PDLIM5: variants seen among roughly 807,000 people sequenced by gnomAD.
PDLIM5 encodes PDZ and LIM domain protein 5.
Under a neutral mutation model 64.2 loss-of-function variants are expected in PDLIM5, and 34 were observed. The observed-to-expected ratio is 0.53, with a 90% CI of 0.40 to 0.71. The LOEUF (loss-of-function observed/expected upper bound fraction) is 0.71, where lower values mean the gene tolerates loss of function less well. PDLIM5 is among the 30% of genes least tolerant of loss of function. The pLI, the probability that PDLIM5 is intolerant of heterozygous loss-of-function variation, is 0.00. For synonymous variants in PDLIM5, 253 were observed against 269.1 expected (o/e 0.94, Z 0.59); for missense variants, 683 against 733.6 (o/e 0.93, Z 0.80).
intron 5 of PDLIM5, chr4:94,584,721 T>C (rs540637295): frequency 4.8e-6 from 2 of 417,888 alleles, no homozygotes; most frequent in East Asian, 4.1e-5. Flanking sequence ...ACTTGGTTCC[T>C]GGGCCTAGTG....
intron 2 of PDLIM5, among the ~76,000 whole-genome samples, chr4:94,471,423 A>G (rs1724860505): frequency 2.0e-5 from 3 of 152,136 alleles, no homozygotes; most frequent in African/African-American, 7.2e-5. Flanking sequence ...CCATGATTAT[A>G]TAGTGATGAA....
intron 2 of PDLIM5, among the ~76,000 whole-genome samples, chr4:94,500,560 G>C (rs1336753943): frequency 6.6e-6 from 1 of 152,028 alleles, no homozygotes; most frequent in Admixed American, 6.5e-5. Context: ...GGGCAGAAAA[G>C]GTGTTTTGAG....
intron 3 of PDLIM5, among the ~76,000 whole-genome samples, chr4:94,558,820 G>C (rs1733594946): frequency 6.6e-6 from 1 of 151,792 alleles, no homozygotes; most frequent in South Asian, 2.1e-4. Flanking sequence ...TTGTGTGTGT[G>C]TTGCAGGGAG....
intron 3 of PDLIM5, among the ~76,000 whole-genome samples, chr4:94,537,420 C>G (rs1578330581): frequency 6.6e-6 from 1 of 152,022 alleles, no homozygotes; most frequent in South Asian, 2.1e-4. Flanking sequence ...ACAAATTATT[C>G]TTAAAACAGA....
Position 94,577,764 on chromosome 4 carries a change from G to T in PDLIM5, c.710+1730G>T, listed in dbSNP as rs1735419463. 1.3e-5 allele frequency among the ~76,000 whole-genome samples: 2 copies of T among 151,870 alleles called. 1 individual carries two copies. The highest frequency in any genetic ancestry group is 1.3e-4 in the Admixed American group (2 of 15,250). On this transcript the variant is annotated intron_variant, in intron 5 of 12. Coordinates refer to ENST00000317968, the MANE Select transcript of PDLIM5 (RefSeq NM_006457.5). ...AGTAGAAAAACATCCATTGAAGGAAGTGTCTTAACTAAAATCTTTTCTACT... is the reference window on the plus strand; with the variant it reads ...AGTAGAAAAACATCCATTGAAGGAATTGTCTTAACTAAAATCTTTTCTACT...
intron 7 of PDLIM5, among the ~76,000 whole-genome samples, chr4:94,594,588 A>G (rs918450904): frequency 6.6e-6 from 1 of 152,012 alleles, no homozygotes; most frequent in African/African-American, 2.4e-5. Context: ...AGAGATAATT[A>G]TGTTATACAT....
intron 2 of PDLIM5, among the ~76,000 whole-genome samples, chr4:94,490,379 A>T (rs1422428118): frequency 2.0e-5 from 3 of 152,082 alleles, no homozygotes; most frequent in South Asian, 2.1e-4. Context: ...AAATTAAAAT[A>T]AAAATAAGCT....
rs143660655 is a variant in PDLIM5 at position 94,662,435 on chromosome 4, C to G, written c.1599C>G (p.Leu533=). The G allele has an allele frequency of 7.2e-6, 11 of 1,537,204 alleles. No individual in the cohort carries two copies. In the African/African-American group the frequency reaches 8.2e-5, roughly 11 times the overall value. Residue 533 remains leucine, a synonymous_variant, in exon 12 of 13, where the codon CTC becomes CTG. Coordinates refer to ENST00000317968, the MANE Select transcript of PDLIM5 (RefSeq NM_006457.5). ...CCCTTAATACAGATTATTATGCCCT[C>G]TTTGGTACTATATGCCATGGATGTG... The part of the protein sequence containing the change: ...EPYCETDYYA[L]FGTICHGCEF...
intron 3 of PDLIM5, among the ~76,000 whole-genome samples, chr4:94,536,531 A>G (rs375703419): frequency 6.6e-6 from 1 of 152,206 alleles, no homozygotes; most frequent in Admixed American, 6.5e-5. Flanking sequence ...AACAATATGT[A>G]TTTATTTATT....
chr4:94,507,545 A>G (rs1292890362), intron 2 of PDLIM5, among the ~76,000 whole-genome samples: 1 of 152,216 alleles, frequency 6.6e-6, no homozygotes, highest in Non-Finnish European at 1.5e-5. Context: ...CCATTTGCTG[A>G]AAGAATGGAA....
chr4:94,665,844 G>A lies in PDLIM5; in HGVS notation c.*1777G>A. 1 of 1,379,568 alleles carries A rather than the reference G, an allele frequency of 7.2e-7. No homozygotes were observed. 85.5% of individuals were successfully genotyped at this position (1,379,568 alleles called of 1,614,324 possible). ...TTATTCACAGAGGTTGGGTAGTGTT[G>A]GGAGGGGAGTTTAATTACTCAGATT... On this transcript the variant is annotated 3_prime_UTR_variant, in exon 13 of 13. Transcript: ENST00000317968.
chr4:94,525,478 A>G (rs948740010), intron 3 of PDLIM5, among the ~76,000 whole-genome samples: 5 of 152,060 alleles, frequency 3.3e-5, no homozygotes, highest in Admixed American at 2.0e-4. Context: ...CCTTCCCAAC[A>G]TATTTGGCTA....
At chr4:94,539,438 C>G (rs562632457) in intron 3 of PDLIM5, among the ~76,000 whole-genome samples, 1 of 152,250 alleles carries the variant, frequency 6.6e-6, no homozygotes, top group East Asian at 1.9e-4. Context: ...AAAAAAAACA[C>G]TGTCTTTTCC....
At chr4:94,517,925 C>A (rs1237538031) in intron 2 of PDLIM5, among the ~76,000 whole-genome samples, 1 of 152,144 alleles carries the variant, frequency 6.6e-6, no homozygotes, top group Non-Finnish European at 1.5e-5. Context: ...ATGGTGTTAC[C>A]TGTCCATATT....
At chr4:94,454,298 G>A (rs977450406) in intron 1 of PDLIM5, among the ~76,000 whole-genome samples, 3 of 145,680 alleles carry the variant, frequency 2.1e-5, no homozygotes, top group African/African-American at 7.6e-5. Context: ...GTCTCCTGCC[G>A]TTATAACAAC....
intron 3 of PDLIM5, among the ~76,000 whole-genome samples, chr4:94,527,852 T>C (rs1039801865): frequency 6.6e-6 from 1 of 152,178 alleles, no homozygotes; most frequent in Non-Finnish European, 1.5e-5. Flanking sequence ...AGAAGAGGGC[T>C]AGGAGGTAGC....
intron 3 of PDLIM5, among the ~76,000 whole-genome samples, chr4:94,562,489 A>G (rs1285016876): frequency 6.6e-6 from 1 of 152,248 alleles, no homozygotes; most frequent in South Asian, 2.1e-4. Context: ...GACTGGTACC[A>G]GTCTAAACTG....
chr4:94,603,352 G>A (rs1005023005), intron 7 of PDLIM5, among the ~76,000 whole-genome samples: 3 of 152,114 alleles, frequency 2.0e-5, no homozygotes, highest in Non-Finnish European at 4.4e-5. Context: ...AAGCAAGAGA[G>A]CAGTTAGACA....
At chr4:94,503,594 C>G (rs1320956075) in intron 2 of PDLIM5, among the ~76,000 whole-genome samples, 18 of 152,282 alleles carry the variant, frequency 1.2e-4, no homozygotes, top group Admixed American at 3.9e-4. Flanking sequence ...TCCGATGTGC[C>G]TGTCACTTGG....
Sources: allele counts gnomAD v4.1 joint callset (sites outside exome capture counted in the v4.1 genomes callset), GRCh38; gene constraint gnomAD v4.1.1; transcripts MANE v1.5; gene names NCBI Gene and HGNC (gene_info 2026-07-23, HGNC 2026-07-21).